The following KRABD2 variants were observed in gnomAD, a reference collection of about 807,000 sequenced individuals.
KRABD2 encodes KRAB domain-containing protein 2.
At chr17:8,376,292 T>G in the KRABD2 span, 3 of 1,227,278 alleles carry the variant, frequency 2.4e-6, no homozygotes, top group Non-Finnish European at 3.0e-6. Context: ...TGCTGACTCT[T>G]ATCATTTACT....
At chr17:8,363,807 A>G in the KRABD2 span, among the ~76,000 whole-genome samples, 169 of 131,706 alleles carry the variant, frequency 1.3e-3, 2 homozygotes, top group African/African-American at 4.9e-3. Flanking sequence ...ATACATATAT[A>G]TATCATACAT....
the KRABD2 span, chr17:8,375,887 TC>T: frequency 8.1e-7 from 1 of 1,227,862 alleles, no homozygotes; most frequent in African/African-American, 1.6e-5. Context: ...CCATGTTTAC[TC>T]CCTTCACCCA....
chr17:8,366,942 G>A, the KRABD2 span, among the ~76,000 whole-genome samples: 1 of 151,644 alleles, frequency 6.6e-6, no homozygotes, highest in Non-Finnish European at 1.5e-5. Context: ...GGCGGGTCTC[G>A]AACCCCTGAC....
the KRABD2 span, chr17:8,376,592 G>A: frequency 2.0e-6 from 2 of 986,082 alleles, no homozygotes; most frequent in African/African-American, 3.5e-5. Context: ...GCTGAGGCGG[G>A]CGCGCGGTGG....
the KRABD2 span, among the ~76,000 whole-genome samples, chr17:8,374,439 G>A: frequency 3.9e-5 from 6 of 152,090 alleles, no homozygotes; most frequent in Admixed American, 6.5e-5. Flanking sequence ...TGCTCGCTAA[G>A]AGTCATCACC....
At chr17:8,375,803 G>A in the KRABD2 span, 1 of 856,128 alleles carries the variant, frequency 1.2e-6, no homozygotes, top group Non-Finnish European at 1.5e-6. Flanking sequence ...AAATCAATCA[G>A]CTTCTTGGTG....
the KRABD2 span, among the ~76,000 whole-genome samples, chr17:8,361,416 C>T: frequency 3.3e-5 from 5 of 152,158 alleles, no homozygotes; most frequent in Admixed American, 1.3e-4. Flanking sequence ...CTAGAGTAGC[C>T]GATGGCCTGA....
the KRABD2 span, among the ~76,000 whole-genome samples, chr17:8,373,312 T>A: frequency 6.6e-6 from 1 of 152,232 alleles, no homozygotes; most frequent in Non-Finnish European, 1.5e-5. Flanking sequence ...GTGCCTGGGA[T>A]TGCCCACAGG....
the KRABD2 span, chr17:8,371,606 C>T: frequency 2.8e-5 from 41 of 1,490,428 alleles, no homozygotes; most frequent in Non-Finnish European, 3.7e-5. Context: ...TCACATCTAA[C>T]AAGATGAGTA....
chr17:8,373,278 G>GATTCTCCTGCCTC, the KRABD2 span, among the ~76,000 whole-genome samples: 5 of 152,194 alleles, frequency 3.3e-5, no homozygotes, highest in African/African-American at 1.2e-4. Context: ...CTCCCTGCCT[G>GATTCTCCTGCCTC]ATTCTCCTGC....
chr17:8,374,937 C>CAAAAAAAAAAAAAAAAAAAAAA, the KRABD2 span, among the ~76,000 whole-genome samples: 12 of 46,180 alleles, frequency 2.6e-4, no homozygotes, highest in Admixed American at 3.5e-4. Flanking sequence ...GACTCTGTCA[C>CAAAAAAAAAAAAAAAAAAAAAA]AAAAAAAAAA....
At chr17:8,374,801 C>T in the KRABD2 span, among the ~76,000 whole-genome samples, 32,169 of 149,472 alleles carry the variant, frequency 0.22, 3,735 homozygotes, top group Non-Finnish European at 0.27. Context: ...AAAAAATTAG[C>T]TGGGCATGGT....
the KRABD2 span, chr17:8,371,708 T>C: frequency 2.2e-6 from 3 of 1,355,952 alleles, no homozygotes; most frequent in Admixed American, 9.2e-5. Flanking sequence ...AGCCCATTTA[T>C]TAATCTTTCC....
chr17:8,369,948 T>C, the KRABD2 span: 1 of 1,614,218 alleles, frequency 6.2e-7, no homozygotes. Context: ...TTTGGTGACA[T>C]TCCCATATTT....
chr17:8,371,779 C>G, the KRABD2 span: 1 of 1,218,480 alleles, frequency 8.2e-7, no homozygotes, highest in Non-Finnish European at 1.0e-6. Flanking sequence ...ACAGGGGTGG[C>G]AGGATCTGTT....
the KRABD2 span, chr17:8,370,450 C>T: frequency 3.9e-6 from 4 of 1,026,980 alleles, no homozygotes; most frequent in Non-Finnish European, 5.7e-6. Flanking sequence ...AAGACTTTCC[C>T]TCTAAAGTTC....
the KRABD2 span, chr17:8,371,530 G>A: frequency 6.2e-7 from 1 of 1,601,464 alleles, no homozygotes; most frequent in African/African-American, 1.3e-5. Flanking sequence ...CAGGAATGAA[G>A]GCATGCAGCA....
the KRABD2 span, among the ~76,000 whole-genome samples, chr17:8,374,937 C>CAAAAAAAAAAAAA: frequency 6.4e-3 from 297 of 46,190 alleles, 48 homozygotes; most frequent in African/African-American, 0.026. Context: ...GACTCTGTCA[C>CAAAAAAAAAAAAA]AAAAAAAAAA....
At chr17:8,376,189 A>G in the KRABD2 span, 2 of 1,231,520 alleles carry the variant, frequency 1.6e-6, no homozygotes, top group African/African-American at 1.6e-5. Flanking sequence ...AAAGATGTTT[A>G]AAGGACATTT....
Sources: allele counts gnomAD v4.1 joint callset (sites outside exome capture counted in the v4.1 genomes callset), GRCh38; gene constraint gnomAD v4.1.1; transcripts MANE v1.5; gene names NCBI Gene and HGNC (gene_info 2026-07-23, HGNC 2026-07-21).